Variants in DIS3 observed in about 807,000 individuals in gnomAD.
The protein encoded by DIS3 is exosome complex exonuclease RRP44.
A neutral mutation model predicts 113.0 loss-of-function variants in DIS3; 103 were observed. The observed-to-expected ratio is 0.91, with a 90% confidence interval of 0.78 to 1.07. DIS3 has a LOEUF of 1.07. Among genes scored for constraint, DIS3 ranks in the 50% least tolerant of loss-of-function variants. DIS3 has a pLI of 0.00. For synonymous variants in DIS3, 402 were observed against 394.3 expected, an observed-to-expected ratio of 1.02 and a Z score of -0.23; for missense variants, 1,121 against 1,167.1, an observed-to-expected ratio of 0.96 and a Z score of 0.58.
intron 8 of DIS3, among the ~76,000 whole-genome samples, chr13:72,773,128 T>C (rs932830327): frequency 6.6e-6 from 1 of 152,224 alleles, no homozygotes; most frequent in African/African-American, 2.4e-5. Context: ...AGAATCTATA[T>C]AGAACTCACT....
chr13:72,763,881 G>A (rs749707765), intron 15 of DIS3, among the ~76,000 whole-genome samples: 18 of 152,148 alleles, frequency 1.2e-4, no homozygotes, highest in Non-Finnish European at 2.1e-4. Flanking sequence ...AGTTGCAGTG[G>A]CTCACACCTG....
chr13:72,753,415 CAG>C lies in DIS3; in HGVS notation c.*6378_*6379del, dbSNP rs1352827213. ...TCTACTAGGTACGATCACAAAATAA[CAG>C]GAAAGCATTGTGTCAGTAGGCTGTT... On this transcript the variant is annotated 3_prime_UTR_variant, in exon 21 of 21. Transcript: ENST00000377767. The C allele has an allele frequency of 8.0e-6, 2 of 251,262 alleles. No individual in the cohort carries two copies. Among genetic ancestry groups the C allele is most frequent in the Non-Finnish European group, 1.5e-5 (2 of 132,532 alleles). 15.6% of individuals were successfully genotyped at this position (251,262 alleles called of 1,614,324 possible).
chr13:72,760,670 A>G lies in DIS3; in HGVS notation c.2671-19T>C. On this transcript the variant is annotated intron_variant, in intron 19 of 20. Transcript: ENST00000377767. ...AGGGTATCTAAACAAAACACATTTT[A>G]TCATTCTTAATTGCTTCCTTACATT... 1 of 1,608,260 alleles carries G rather than the reference A, an allele frequency of 6.2e-7. No homozygotes were observed. Among genetic ancestry groups the G allele is most frequent in the Non-Finnish European group, 8.5e-7 (1 of 1,177,382 alleles).
intron 4 of DIS3, 134 bp downstream of exon 4, chr13:72,777,286 T>C: frequency 1.3e-6 from 1 of 791,556 alleles, no homozygotes; most frequent in Non-Finnish European, 2.0e-6. Flanking sequence ...CATCCACTCC[T>C]GTTTATAACA....
chr13:72,763,019 G>A (rs1411605288), intron 16 of DIS3, among the ~76,000 whole-genome samples: 3 of 152,050 alleles, frequency 2.0e-5, no homozygotes, highest in Non-Finnish European at 4.4e-5. Context: ...TAGGCTGGGT[G>A]CGGTGGCTCA....
rs2034178409 is a variant in DIS3 at position 72,780,910 on chromosome 13, G to A, written c.322C>T (p.Arg108Cys). ...VRNRSAPVYK[R>C]IRDVTNNQEK... is the part of the protein sequence containing the mutation. The stretch of plus-strand genomic sequence containing the variant: ...TGGTTATTAGTCACATCTCGGATGC[G>A]TTTATATACGGGGGCACTGCGATTT... Residue 108 changes from arginine to cysteine, a missense_variant, in exon 2 of 21, where the codon CGC (arginine) becomes TGC (cysteine). Physicochemically the swap from Arg to Cys is radical, Grantham distance 180. Coordinates refer to ENST00000377767, the MANE Select transcript of DIS3 (RefSeq NM_014953.5). The A allele has an allele frequency of 1.9e-6, 3 of 1,612,834 alleles. No individual in the cohort carries two copies. In the Admixed American group the frequency reaches 5.0e-5, roughly 27 times the overall value.
chr13:72,781,004 C>T lies in DIS3; in HGVS notation c.229-1G>A. On this transcript the variant is annotated splice_acceptor_variant, in intron 1 of 20. Transcript: ENST00000377767. LOFTEE classifies it high-confidence loss of function. ...TGGCAGGGTCCTCAAGAACATCAAT[C>T]TTAAAGAAAGATAAAGTTAATTTTT... 1 of 1,591,608 alleles carries T rather than the reference C, an allele frequency of 6.3e-7. No individual in the cohort carries two copies. Among genetic ancestry groups the T allele is most frequent in the Non-Finnish European group, 8.5e-7 (1 of 1,173,336 alleles).
intron 15 of DIS3, among the ~76,000 whole-genome samples, chr13:72,763,871 A>T (rs2033688127): frequency 6.6e-6 from 1 of 152,158 alleles, no homozygotes; most frequent in African/African-American, 2.4e-5. Context: ...GCACTCAGCC[A>T]GTTGCAGTGG....
chr13:72,756,180 A>ATTCAT lies in DIS3; in HGVS notation c.*3614_*3615insATGAA. On this transcript the variant is annotated 3_prime_UTR_variant, in exon 21 of 21. Transcript: ENST00000377767. ...AAACTGTCTCATTCAAAAGGGAATA[A>ATTCAT]AGACCTGTGTTATCAATGTGTCATT... The ATTCAT allele has an allele frequency of 5.5e-6, 2 of 366,076 alleles. No homozygotes were observed. The highest frequency in any genetic ancestry group is 9.7e-6 in the Non-Finnish European group (2 of 206,710). The allele number at this position is 366,076 out of a possible 1,614,324, so 22.7% of individuals were successfully genotyped here. A position where few individuals can be genotyped will look rare whatever the true frequency, so the allele number is the denominator to read the frequency against.
chr13:72,757,793 A>G lies in DIS3; in HGVS notation c.*2002T>C. 4.9e-6 allele frequency: 1 copy of G among 204,352 alleles called. No homozygotes were observed. Among genetic ancestry groups the G allele is most frequent in the East Asian group, 7.4e-5 (1 of 13,556 alleles). The allele number at this position is 204,352 out of a possible 1,614,324, so 12.7% of individuals were successfully genotyped here. The stretch of plus-strand genomic sequence containing the variant: ...AATGAGTAATGTTTTGTGACACATC[A>G]AAATTATAATGATGTGCTGCATAAC... On this transcript the variant is annotated 3_prime_UTR_variant, in exon 21 of 21. Coordinates refer to ENST00000377767, the MANE Select transcript of DIS3 (RefSeq NM_014953.5).
At chr13:72,770,858 G>C in intron 13 of DIS3, 46 bp downstream of exon 13, 1 of 1,400,216 alleles carries the variant, frequency 7.1e-7, no homozygotes, top group Non-Finnish European at 9.6e-7. Context: ...TTTCAAAAAA[G>C]TACCAAAAAG....
At chr13:72,772,380 C>A in intron 9 of DIS3, 105 bp from the exon 10 acceptor site, 1 of 886,860 alleles carries the variant, frequency 1.1e-6, no homozygotes, top group Non-Finnish European at 1.7e-6. Context: ...AACAATTTAG[C>A]TGTATTTTCT....
chr13:72,765,314 A>C (rs2033718737), intron 15 of DIS3, among the ~76,000 whole-genome samples: 1 of 152,200 alleles, frequency 6.6e-6, no homozygotes. Flanking sequence ...ATAACAGCAG[A>C]GGGATCCAAA....
chr13:72,767,073 T>C (rs1318737), intron 14 of DIS3, among the ~76,000 whole-genome samples: 47,229 of 152,012 alleles, frequency 0.31, 8,781 homozygotes, highest in African/African-American at 0.52. Flanking sequence ...GGTATACTTA[T>C]CACATTTTGA....
At chr13:72,773,084 G>A (rs2033924939) in intron 8 of DIS3, among the ~76,000 whole-genome samples, 1 of 152,124 alleles carries the variant, frequency 6.6e-6, no homozygotes, top group Non-Finnish European at 1.5e-5. Flanking sequence ...TTTAAAATGT[G>A]CTTCCAATAT....
chr13:72,761,841 T>C, intron 17 of DIS3, 27 bp from the exon 18 acceptor site: 5 of 1,610,698 alleles, frequency 3.1e-6, no homozygotes, highest in South Asian at 2.2e-5. Context: ...ATAAGAACCA[T>C]GGTATGTCAG....
At chr13:72,774,769 A>G (rs1055955092) in intron 6 of DIS3, among the ~76,000 whole-genome samples, 4 of 152,184 alleles carry the variant, frequency 2.6e-5, no homozygotes, top group Non-Finnish European at 5.9e-5. Context: ...TATTCTCTTC[A>G]TAATAAATAT....
chr13:72,779,915 TC>T (rs1187590971), intron 2 of DIS3, among the ~76,000 whole-genome samples: 2 of 152,152 alleles, frequency 1.3e-5, no homozygotes, highest in Non-Finnish European at 2.9e-5. Flanking sequence ...CCTGATCTAA[TC>T]CAATAAAAGT....
At position 72,776,057 on chromosome 13, in the gene DIS3, C is replaced by T; in HGVS notation, c.690G>A (p.Glu230=). The T allele has an allele frequency of 6.3e-7, 1 of 1,597,850 alleles. No individual in the cohort carries two copies. ...GCTGTAGCTTACTTAAGGGAAGATG[C>T]TCTGAAAATATTATTTTTCCACTTT... is the stretch of plus-strand genomic sequence containing the variant. ...EIESGKIIFS[E]HLPLSKLQQG... is the part of the protein sequence containing the mutation. Residue 230 remains glutamate, a synonymous_variant, in exon 5 of 21, where the codon GAG becomes GAA. Coordinates refer to ENST00000377767, the MANE Select transcript of DIS3 (RefSeq NM_014953.5).
Sources: gnomAD v4.1 joint callset for allele counts (sites outside exome capture counted in the v4.1 genomes callset) on GRCh38, gnomAD v4.1.1 for gene constraint, MANE v1.5 for transcripts, NCBI Gene and HGNC (gene_info 2026-07-23, HGNC 2026-07-21) for gene names.